Variants in ENOX2 observed in about 807,000 individuals in gnomAD.
ENOX2 encodes the protein APK1 antigen.
A neutral mutation model predicts 45.0 loss-of-function variants in ENOX2; 36 were observed. That is an observed-to-expected ratio of 0.80 (90% CI 0.61 to 1.06). ENOX2 has a LOEUF of 1.06. ENOX2 is among the 50% of genes least tolerant of loss of function. The pLI, the probability that ENOX2 is intolerant of heterozygous loss-of-function variation, is 0.00. For synonymous variants in ENOX2, 174 were observed against 152.3 expected, an observed-to-expected ratio of 1.14 and a Z score of -1.05; for missense variants, 423 against 462.5, an observed-to-expected ratio of 0.91 and a Z score of 0.78.
chrX:130,640,011 T>C (rs2036035865), intron 10 of ENOX2, among the ~76,000 whole-genome samples: 1 of 112,213 alleles, frequency 8.9e-6, no homozygotes, highest in Non-Finnish European at 1.9e-5. Flanking sequence ...GGTGCCAGTA[T>C]CTTCAGTGTC....
intron 9 of ENOX2, among the ~76,000 whole-genome samples, chrX:130,659,893 G>C (rs1249069995): frequency 6.3e-5 from 7 of 111,326 alleles, no homozygotes; most frequent in African/African-American, 2.3e-4. Flanking sequence ...TCTTCCAGCT[G>C]GGCAAAAAAG....
At position 130,770,663 on chromosome X, in the gene ENOX2, T is replaced by C. The variant is rs182392505; in HGVS notation, c.-39+12884A>G. Among the ~76,000 whole-genome samples the C allele has an allele frequency of 4.1e-3, 460 of 112,013 alleles. 2 individuals carry two copies. The highest frequency in any genetic ancestry group is 0.014 in the African/African-American group (434 of 30,831). On this transcript the variant is annotated intron_variant, in intron 3 of 14. Transcript: ENST00000394363. ...ATTTGAAAAATATGCTCAAATTCAG[T>C]ATTCATCACAAAAATGCAAATAAAG...
chrX:130,729,503 G>A (rs1025032769), intron 3 of ENOX2, among the ~76,000 whole-genome samples: 3 of 111,525 alleles, frequency 2.7e-5, no homozygotes, highest in Non-Finnish European at 3.8e-5. Flanking sequence ...CCTTTCTACC[G>A]TGACTATTTT....
At chrX:130,861,408 A>C (rs1049358005) in intron 2 of ENOX2, among the ~76,000 whole-genome samples, 14 of 111,345 alleles carry the variant, frequency 1.3e-4, no homozygotes, top group Non-Finnish European at 1.9e-5. Flanking sequence ...CACACACACA[A>C]CCAACCACAC....
intron 2 of ENOX2, among the ~76,000 whole-genome samples, chrX:130,790,828 A>G (rs1194867302): frequency 8.9e-6 from 1 of 112,450 alleles, no homozygotes; most frequent in Non-Finnish European, 1.9e-5. Flanking sequence ...GAGGGGAACT[A>G]CCCATCAGGG....
intron 2 of ENOX2, among the ~76,000 whole-genome samples, chrX:130,784,379 A>T (rs977735883): frequency 9.0e-6 from 1 of 111,249 alleles, no homozygotes; most frequent in Non-Finnish European, 1.9e-5. Context: ...TACATGGTTC[A>T]ATCAGGGGCA....
chrX:130,691,412 T>C (rs1213399413), intron 4 of ENOX2, among the ~76,000 whole-genome samples: 1 of 111,598 alleles, frequency 9.0e-6, no homozygotes, highest in Non-Finnish European at 1.9e-5. Flanking sequence ...AGGCTTCCTA[T>C]ATGTCAGGCT....
chrX:130,809,242 A>T (rs1478911535), intron 2 of ENOX2, among the ~76,000 whole-genome samples: 2 of 112,431 alleles, frequency 1.8e-5, no homozygotes, highest in African/African-American at 6.5e-5. Context: ...ATTACAGAGG[A>T]GGAGTTGATT....
Position 130,704,341 on chromosome X carries a change from T to C in ENOX2, c.-38-1087A>G, listed in dbSNP as rs545800798. On this transcript the variant is annotated intron_variant, in intron 3 of 14. Transcript: ENST00000394363. Reference sequence around the variant, plus strand: ...TCATGAGTGATGAGCAGTTATTAGATAGGTAAAGTAGAGGGGCCAGACATC... The same window carrying C: ...TCATGAGTGATGAGCAGTTATTAGACAGGTAAAGTAGAGGGGCCAGACATC... Among the ~76,000 whole-genome samples, 33 of 111,394 alleles carry C rather than the reference T, an allele frequency of 3.0e-4. No individual in the cohort carries two copies. The South Asian group carries it at 0.01, about 35-fold the overall frequency.
At chrX:130,682,071 T>C (rs1194072542) in intron 5 of ENOX2, among the ~76,000 whole-genome samples, 1 of 109,628 alleles carries the variant, frequency 9.1e-6, no homozygotes, top group Non-Finnish European at 1.9e-5. Context: ...TCCATATAGT[T>C]AGAACCATGT....
chrX:130,663,929 G>A (rs928349457), intron 9 of ENOX2, among the ~76,000 whole-genome samples: 2 of 111,928 alleles, frequency 1.8e-5, no homozygotes, highest in African/African-American at 6.5e-5. Flanking sequence ...TGGAGAAAGT[G>A]ATCAGTAAAC....
intron 3 of ENOX2, among the ~76,000 whole-genome samples, chrX:130,728,214 C>T (rs1383947623): frequency 9.0e-6 from 1 of 111,259 alleles, no homozygotes; most frequent in Non-Finnish European, 1.9e-5. Context: ...GTTCCTGCAG[C>T]ATGTGCAATT....
intron 10 of ENOX2, chrX:130,646,183 C>T: frequency 2.1e-6 from 1 of 487,650 alleles, no homozygotes; most frequent in Admixed American, 2.5e-5. Context: ...ATTCCAGAAC[C>T]TCTCCATGGC....
rs1425724285 is a variant in ENOX2 at position 130,632,361 on chromosome X, G to GGGC, written c.1420-788_1420-786dup. On this transcript the variant is annotated intron_variant, in intron 12 of 14. Coordinates refer to ENST00000394363, the MANE Select transcript of ENOX2 (RefSeq NM_006375.4). ...TTCTCTTTCAGAATGTAGCAGGAAGGGGCGGGGGGGGGGGGTGGTCCTAAG... is the reference window on the plus strand; with the variant it reads ...TTCTCTTTCAGAATGTAGCAGGAAGGGGCGGCGGGGGGGGGGGGTGGTCCTAAG... Among the ~76,000 whole-genome samples, 8 of 21,516 alleles carry GGGC rather than the reference G, an allele frequency of 3.7e-4. No homozygotes were observed. The East Asian group carries it at 0.016, about 42-fold the overall frequency. 18.7% of individuals were successfully genotyped at this position (21,516 alleles called of 115,157 possible).
intron 2 of ENOX2, among the ~76,000 whole-genome samples, chrX:130,846,032 A>C (rs1341536728): frequency 1.8e-5 from 2 of 111,792 alleles, no homozygotes; most frequent in Non-Finnish European, 3.8e-5. Context: ...ACTTATAAAT[A>C]CACAAATATA....
At chrX:130,655,057 A>C (rs2036511477) in intron 10 of ENOX2, among the ~76,000 whole-genome samples, 1 of 112,253 alleles carries the variant, frequency 8.9e-6, no homozygotes, top group African/African-American at 3.2e-5. Context: ...AGGTGTAAAC[A>C]ATCATACAAG....
chrX:130,657,868 C>G (rs750845943), intron 9 of ENOX2, among the ~76,000 whole-genome samples: 2 of 111,902 alleles, frequency 1.8e-5, no homozygotes, highest in Non-Finnish European at 3.8e-5. Context: ...GAGACCAACA[C>G]TGAAATCACC....
intron 2 of ENOX2, among the ~76,000 whole-genome samples, chrX:130,807,044 C>T (rs999848104): frequency 8.9e-6 from 1 of 111,901 alleles, no homozygotes; most frequent in East Asian, 2.8e-4. Context: ...CTTCTCCTAA[C>T]TACACTTGAC....
At chrX:130,676,283 G>A (rs1256086133) in intron 6 of ENOX2, among the ~76,000 whole-genome samples, 1 of 111,444 alleles carries the variant, frequency 9.0e-6, no homozygotes, top group East Asian at 2.8e-4. Flanking sequence ...AAAAAATGAA[G>A]ATCTCCACAT....
Sources: allele counts gnomAD v4.1 joint callset (sites outside exome capture counted in the v4.1 genomes callset), GRCh38; gene constraint gnomAD v4.1.1; transcripts MANE v1.5; gene names NCBI Gene and HGNC (gene_info 2026-07-23, HGNC 2026-07-21).